GABRA3: variants seen among roughly 807,000 people sequenced by gnomAD.
The protein encoded by GABRA3 is gamma-aminobutyric acid receptor subunit alpha-3.
A neutral mutation model predicts 30.1 loss-of-function variants in GABRA3; 10 were observed. The ratio of observed to expected loss-of-function variants is 0.33; its 90% CI spans 0.20 to 0.56. GABRA3 has a LOEUF of 0.56. Ranked by LOEUF, GABRA3 falls within the 20% of genes least tolerant of loss-of-function variation. GABRA3 has a pLI of 0.89. For missense variants in GABRA3, 233 were observed against 392.0 expected, an observed-to-expected ratio of 0.59 and a Z score of 3.42; for synonymous variants, 151 against 146.8, an observed-to-expected ratio of 1.03 and a Z score of -0.21.
intron 9 of GABRA3, among the ~76,000 whole-genome samples, chrX:152,187,853 C>T (rs899176071): frequency 8.9e-6 from 1 of 112,123 alleles, no homozygotes; most frequent in Non-Finnish European, 1.9e-5. Flanking sequence ...TTAACACAAA[C>T]TTTGTTACAA....
intron 3 of GABRA3, among the ~76,000 whole-genome samples, chrX:152,293,181 A>G (rs1188969297): frequency 9.0e-6 from 1 of 110,893 alleles, no homozygotes; most frequent in Non-Finnish European, 1.9e-5. Context: ...AATGTGTGAG[A>G]GTCTAAGTCT....
At chrX:152,352,169 C>T (rs1940488026) in intron 2 of GABRA3, among the ~76,000 whole-genome samples, 1 of 110,950 alleles carries the variant, frequency 9.0e-6, no homozygotes, top group African/African-American at 3.3e-5. Flanking sequence ...AATAGACTCA[C>T]TCAACACAGG....
At position 152,436,702 on chromosome X, in the gene GABRA3, C is replaced by T. The variant is rs772837380; in HGVS notation, c.-27+14444G>A. Among the ~76,000 whole-genome samples, 3 of 111,287 alleles carry T rather than the reference C, an allele frequency of 2.7e-5. No individual in the cohort carries two copies. In the East Asian group the frequency reaches 8.5e-4, roughly 32 times the overall value. ...ATAAGGAAAAATATATTGTATATGC[C>T]TGGAACATTACCTTGCTCCAAAGGC... On this transcript the variant is annotated intron_variant, in intron 1 of 9. Coordinates refer to ENST00000370314, the MANE Select transcript of GABRA3 (RefSeq NM_000808.4).
At chrX:152,400,453 G>T (rs897989829) in intron 1 of GABRA3, among the ~76,000 whole-genome samples, 5 of 111,192 alleles carry the variant, frequency 4.5e-5, no homozygotes, top group African/African-American at 6.5e-5. Context: ...AGGCTGCAGT[G>T]AGCTGTGATC....
chrX:152,372,999 A>G (rs1171870095), intron 1 of GABRA3, among the ~76,000 whole-genome samples: 2 of 111,651 alleles, frequency 1.8e-5, no homozygotes, highest in Non-Finnish European at 3.8e-5. Context: ...TTTGAGGTTC[A>G]TGCCTCCTAT....
intron 9 of GABRA3, among the ~76,000 whole-genome samples, chrX:152,181,585 G>A (rs1937148101): frequency 2.7e-5 from 3 of 109,460 alleles, no homozygotes; most frequent in Non-Finnish European, 3.8e-5. Flanking sequence ...AAAACCAAAC[G>A]CTGCATATTC....
intron 4 of GABRA3, among the ~76,000 whole-genome samples, chrX:152,275,275 TATAA>T (rs1939043850): frequency 1.4e-5 from 1 of 69,199 alleles, no homozygotes; most frequent in African/African-American, 6.3e-5. Context: ...AAATTATATA[TATAA>T]ATTATATATA....
At chrX:152,428,885 T>C (rs1055529596) in intron 1 of GABRA3, among the ~76,000 whole-genome samples, 2 of 111,272 alleles carry the variant, frequency 1.8e-5, no homozygotes, top group Non-Finnish European at 3.8e-5. Flanking sequence ...GAAAGATGGA[T>C]TGAAAGCAAG....
At chrX:152,413,798 G>GA (rs943117021) in intron 1 of GABRA3, among the ~76,000 whole-genome samples, 1 of 106,852 alleles carries the variant, frequency 9.4e-6, no homozygotes, top group East Asian at 2.9e-4. Context: ...ATACAATAAA[G>GA]AAAAAAAAGG....
chrX:152,345,506 C>T (rs1395273456), intron 3 of GABRA3, 75 bp downstream of exon 3: 6 of 1,106,806 alleles, frequency 5.4e-6, no homozygotes, highest in Non-Finnish European at 7.2e-6. Context: ...CTGAAGGCAC[C>T]TTATAACTGT....
intron 1 of GABRA3, among the ~76,000 whole-genome samples, chrX:152,374,087 T>A (rs541571774): frequency 4.5e-5 from 5 of 111,347 alleles, no homozygotes; most frequent in African/African-American, 1.3e-4. Flanking sequence ...CATATGTTTG[T>A]TGGCCACATG....
At chrX:152,223,294 C>T (rs1260406760) in intron 6 of GABRA3, among the ~76,000 whole-genome samples, 1 of 111,794 alleles carries the variant, frequency 8.9e-6, no homozygotes, top group East Asian at 2.9e-4. Context: ...CAATAAACAA[C>T]TCTGTCCTAC....
At chrX:152,274,607 A>G (rs1304761971) in intron 4 of GABRA3, among the ~76,000 whole-genome samples, 1 of 111,678 alleles carries the variant, frequency 9.0e-6, no homozygotes, top group Non-Finnish European at 1.9e-5. Context: ...TTAGAAGTGA[A>G]CAATAGTGAA....
At chrX:152,184,465 T>C (rs1275673901) in intron 9 of GABRA3, among the ~76,000 whole-genome samples, 2 of 111,205 alleles carry the variant, frequency 1.8e-5, no homozygotes, top group African/African-American at 3.3e-5. Context: ...ATGCAAAAAC[T>C]TTCCTCTAGG....
intron 3 of GABRA3, among the ~76,000 whole-genome samples, chrX:152,338,278 C>T (rs192239615): frequency 2.7e-5 from 3 of 111,867 alleles, no homozygotes; most frequent in African/African-American, 9.7e-5. Flanking sequence ...CTTCCCTGAT[C>T]GTTAATGATT....
intron 4 of GABRA3, among the ~76,000 whole-genome samples, chrX:152,279,003 G>T (rs1939145959): frequency 9.0e-6 from 1 of 111,657 alleles, no homozygotes; most frequent in Non-Finnish European, 1.9e-5. Context: ...GTAGATTCTG[G>T]ATATTAGCCC....
At chrX:152,235,586 T>C (rs941451319) in intron 5 of GABRA3, among the ~76,000 whole-genome samples, 3 of 111,788 alleles carry the variant, frequency 2.7e-5, no homozygotes, top group Admixed American at 9.6e-5. Flanking sequence ...TTCTACACAC[T>C]ATTTAAAAAA....
At chrX:152,393,850 G>A (rs1929567653) in intron 1 of GABRA3, among the ~76,000 whole-genome samples, 2 of 111,738 alleles carry the variant, frequency 1.8e-5, no homozygotes, top group Admixed American at 1.9e-4. Context: ...TAGTGCAGTA[G>A]CTAATAGAAT....
At chrX:152,415,917 T>C (rs1400703616) in intron 1 of GABRA3, among the ~76,000 whole-genome samples, 3 of 111,548 alleles carry the variant, frequency 2.7e-5, no homozygotes, top group African/African-American at 6.5e-5. Context: ...AAGAAAATAC[T>C]AGAAAAAGTC....
Sources: gnomAD v4.1 joint callset for allele counts (sites outside exome capture counted in the v4.1 genomes callset) on GRCh38, gnomAD v4.1.1 for gene constraint, MANE v1.5 for transcripts, NCBI Gene and HGNC (gene_info 2026-07-23, HGNC 2026-07-21) for gene names.